The following COL21A1 variants were observed in gnomAD, a reference collection of about 807,000 sequenced individuals.
COL21A1 encodes collagen alpha-1(XXI) chain.
A neutral mutation model predicts 137.9 loss-of-function variants in COL21A1; 149 were observed. That is an observed-to-expected ratio of 1.08 (90% CI 0.95 to 1.24). The LOEUF is 1.24. COL21A1 is among the 50% of genes most tolerant of loss of function. The pLI is 0.00. For synonymous variants in COL21A1, 456 were observed against 391.5 expected (o/e 1.16, Z -1.95); for missense variants, 1,167 against 1,158.4 (o/e 1.01, Z -0.11).
chr6:56,122,865 C>G (rs1296514040), intron 16 of COL21A1, among the ~76,000 whole-genome samples: 1 of 152,192 alleles, frequency 6.6e-6, no homozygotes, highest in Non-Finnish European at 1.5e-5. Flanking sequence ...AACATTTACT[C>G]TATTTTCGAA....
chr6:56,205,537 T>G (rs187003195), intron 1 of COL21A1, among the ~76,000 whole-genome samples: 13 of 152,142 alleles, frequency 8.5e-5, no homozygotes, highest in Non-Finnish European at 1.5e-4. Context: ...ATGGGGAGAA[T>G]GGAACCAAGT....
At chr6:56,133,491 A>T (rs929638192) in intron 12 of COL21A1, among the ~76,000 whole-genome samples, 2 of 152,250 alleles carry the variant, frequency 1.3e-5, no homozygotes, top group Non-Finnish European at 2.9e-5. Flanking sequence ...GCAGCCTGAT[A>T]ATGTGATAGA....
At position 56,166,973 on chromosome 6, in the gene COL21A1, T is replaced by C; in HGVS notation, c.1211A>G (p.Gln404Arg). Residue 404 changes from glutamine to arginine, a missense_variant, in exon 7 of 30, where the codon CAA becomes CGA. Physicochemically the swap from Gln to Arg is conservative, Grantham distance 43. Coordinates refer to ENST00000244728, the MANE Select transcript of COL21A1 (RefSeq NM_030820.4). ...TGGGTCACAGTAGATTCGCAACTTTTGGACATCAAACTAAGAACATAAACC... is the reference window on the plus strand; with the variant it reads ...TGGGTCACAGTAGATTCGCAACTTTCGGACATCAAACTAAGAACATAAACC... The part of the protein sequence containing the change: ...GKEETVQFDV[Q>R]KLRIYCDPEQ... 1 of 1,611,116 alleles carries C rather than the reference T, an allele frequency of 6.2e-7. No individual in the cohort carries two copies. Among genetic ancestry groups the C allele is most frequent in the Non-Finnish European group, 8.5e-7 (1 of 1,178,418 alleles).
intron 27 of COL21A1, chr6:56,060,480 A>G (rs954479551): frequency 8.3e-6 from 4 of 483,250 alleles, no homozygotes; most frequent in Non-Finnish European, 1.4e-5. Context: ...ATTCATATTT[A>G]TGAACTAAAT....
chr6:56,156,843 G>A, intron 10 of COL21A1, 44 bp downstream of exon 10: 2 of 1,504,654 alleles, frequency 1.3e-6, no homozygotes, highest in Non-Finnish European at 1.8e-6. Context: ...CTTTGACACT[G>A]TAATCCCAGA....
intron 1 of COL21A1, among the ~76,000 whole-genome samples, chr6:56,243,037 A>G (rs898745371): frequency 1.3e-5 from 2 of 151,782 alleles, no homozygotes; most frequent in African/African-American, 4.8e-5. Flanking sequence ...CTAACTCTTC[A>G]TGAGCCCTTG....
At chr6:56,376,980 CTT>C (rs11396420) in intron 1 of COL21A1, among the ~76,000 whole-genome samples, 21 of 137,772 alleles carry the variant, frequency 1.5e-4, no homozygotes, top group Non-Finnish European at 1.9e-4. Flanking sequence ...AGAAAAAAGT[CTT>C]TTTTTTTTTT....
At chr6:56,349,039 G>A (rs1041617149) in intron 1 of COL21A1, among the ~76,000 whole-genome samples, 6 of 152,164 alleles carry the variant, frequency 3.9e-5, no homozygotes, top group African/African-American at 1.2e-4. Flanking sequence ...CTTCCTTTTA[G>A]AGTGTTCCTA....
At chr6:56,291,298 T>G (rs1279484718) in intron 1 of COL21A1, among the ~76,000 whole-genome samples, 1 of 152,096 alleles carries the variant, frequency 6.6e-6, no homozygotes, top group Non-Finnish European at 1.5e-5. Flanking sequence ...AAGGGGCAGT[T>G]TCTTGGCCAG....
At chr6:56,331,075 G>A (rs1765210957) in intron 1 of COL21A1, among the ~76,000 whole-genome samples, 1 of 151,890 alleles carries the variant, frequency 6.6e-6, no homozygotes, top group African/African-American at 2.4e-5. Context: ...TCATATGCTT[G>A]TTGACCATTT....
chr6:56,277,138 GT>G (rs1315875123), intron 1 of COL21A1, among the ~76,000 whole-genome samples: 2 of 151,792 alleles, frequency 1.3e-5, no homozygotes, highest in South Asian at 2.1e-4. Flanking sequence ...AGTAAGTTTT[GT>G]TTTTTTGTTT....
At chr6:56,146,475 A>G (rs1774846072) in intron 10 of COL21A1, among the ~76,000 whole-genome samples, 1 of 152,122 alleles carries the variant, frequency 6.6e-6, no homozygotes, top group African/African-American at 2.4e-5. Flanking sequence ...ACTATTAGTC[A>G]AGTGGTTTAT....
chr6:56,075,927 C>G (rs988950576), intron 18 of COL21A1, among the ~76,000 whole-genome samples: 1 of 151,404 alleles, frequency 6.6e-6, no homozygotes, highest in African/African-American at 2.4e-5. Context: ...ACTTCAACTT[C>G]CAGGGATGCG....
At chr6:56,189,984 A>G (rs1433152197) in intron 1 of COL21A1, among the ~76,000 whole-genome samples, 1 of 152,236 alleles carries the variant, frequency 6.6e-6, no homozygotes, top group Non-Finnish European at 1.5e-5. Context: ...AAACATGGCA[A>G]GGAAAAACTG....
chr6:56,155,689 G>A (rs546902347), intron 10 of COL21A1, among the ~76,000 whole-genome samples: 11 of 152,260 alleles, frequency 7.2e-5, no homozygotes, highest in Non-Finnish European at 1.0e-4. Context: ...TCCGCCTCTC[G>A]TGTTCAAGTG....
rs756857792 is a variant in COL21A1 at position 56,182,548 on chromosome 6, T to A, written c.71A>T (p.Asp24Val). The stretch of plus-strand genomic sequence containing the variant: ...GTTCTTACTTGATCTTACTTCCCCA[T>A]CTTCAGCTAACACAGAATTCTGAAG... ...LLLQNSVLAE[D>V]GEVRSSCRTA... is the part of the protein sequence containing the mutation. Residue 24 changes from aspartate to valine, a missense_variant, in exon 2 of 30, where the codon GAT becomes GTT. By Grantham distance (152) the Asp-to-Val change is radical. Transcript: ENST00000244728. 3.7e-6 allele frequency: 6 copies of A among 1,601,172 alleles called. No individual in the cohort carries two copies. The East Asian group carries it at 1.3e-4, about 36-fold the overall frequency.
chr6:56,064,515 T>C, intron 24 of COL21A1, 63 bp downstream of exon 24: 1 of 1,117,016 alleles, frequency 9.0e-7, no homozygotes, highest in Non-Finnish European at 1.3e-6. Context: ...TAATCCTCTC[T>C]CAGCATTGTC....
At chr6:56,369,268 T>C (rs1766170499) in intron 1 of COL21A1, among the ~76,000 whole-genome samples, 1 of 151,856 alleles carries the variant, frequency 6.6e-6, no homozygotes, top group Non-Finnish European at 1.5e-5. Flanking sequence ...TATAAAGTTA[T>C]AATAGTTCAA....
chr6:56,333,449 T>G (rs1177325011), intron 1 of COL21A1, among the ~76,000 whole-genome samples: 1 of 152,120 alleles, frequency 6.6e-6, no homozygotes, highest in Non-Finnish European at 1.5e-5. Context: ...TTATCCATAT[T>G]GTAATGTATA....
Sources: allele counts gnomAD v4.1 joint callset (sites outside exome capture counted in the v4.1 genomes callset), GRCh38; gene constraint gnomAD v4.1.1; transcripts MANE v1.5; gene names NCBI Gene and HGNC (gene_info 2026-07-23, HGNC 2026-07-21).